VIPR1: variants seen among roughly 807,000 people sequenced by gnomAD.
VIPR1 encodes vasoactive intestinal polypeptide receptor 1.
In VIPR1, 59 loss-of-function variants were observed where a neutral mutation model predicts 58.8. The ratio of observed to expected loss-of-function variants is 1.00; its 90% CI spans 0.81 to 1.25. VIPR1 has a LOEUF of 1.25. Among genes scored for constraint, VIPR1 ranks in the 50% most tolerant of loss-of-function variants. The probability of loss-of-function intolerance (pLI) is 0.00; values close to 1 mark genes in which losing one functional copy is unlikely to be tolerated. For missense variants in VIPR1, 626 were observed against 602.7 expected, an observed-to-expected ratio of 1.04 and a Z score of -0.40; for synonymous variants, 251 against 242.1, an observed-to-expected ratio of 1.04 and a Z score of -0.34.
In VIPR1 at chr3:42,519,240, G is replaced by A; in HGVS notation, c.202G>A (p.Asp68Asn). 1.2e-6 allele frequency: 2 copies of A among 1,609,968 alleles called. No homozygotes were observed. Among genetic ancestry groups the A allele is most frequent in the South Asian group, 2.2e-5 (2 of 90,040 alleles). The change falls in exon 3 of 13, where the codon GAC (aspartate) becomes AAC (asparagine). Residue 68 changes from aspartate (D) to asparagine (N), a missense_variant. Physicochemically the swap from Asp to Asn is conservative, Grantham distance 23 (BLOSUM62 1). Coordinates refer to ENST00000325123, the MANE Select transcript of VIPR1 (RefSeq NM_004624.4). ...NETIGCSKMW[D>N]NLTCWPATPR... is the part of the protein sequence containing the mutation. Reference sequence around the variant, plus strand: ...CCCCATAGGCTGCAGCAAGATGTGGGACAACCTCACCTGCTGGCCAGCCAC... The same window carrying A: ...CCCCATAGGCTGCAGCAAGATGTGGAACAACCTCACCTGCTGGCCAGCCAC...
intron 1 of VIPR1, among the ~76,000 whole-genome samples, chr3:42,503,151 C>T (rs1699947967): frequency 6.6e-6 from 1 of 152,076 alleles, no homozygotes; most frequent in Non-Finnish European, 1.5e-5. Flanking sequence ...GAGTCAGGTA[C>T]TGCGGCCGAT....
chr3:42,525,959 G>A lies in VIPR1; in HGVS notation c.365G>A (p.Cys122Tyr), dbSNP rs1349758533. The A allele has an allele frequency of 1.2e-6, 2 of 1,613,526 alleles. No individual in the cohort carries two copies. The highest frequency in any genetic ancestry group is 1.1e-5 in the South Asian group (1 of 90,886). The change falls in exon 4 of 13, where the codon TGT (cysteine) becomes TAT (tyrosine). Residue 122 changes from cysteine to tyrosine, a missense_variant. Transcript: ENST00000325123. ...HLEPGPYPIA[C>Y]GLDDKAASLD... is the part of the protein sequence containing the mutation. ...GAGCCTGGCCCGTACCCCATTGCCTGTGGTTTGGATGACAAGGCAGCGAGT... is the reference window on the plus strand; with the variant it reads ...GAGCCTGGCCCGTACCCCATTGCCTATGGTTTGGATGACAAGGCAGCGAGT...
At chr3:42,502,899 G>C (rs1281708026) in intron 1 of VIPR1, 86 bp downstream of exon 1, 3 of 1,031,782 alleles carry the variant, frequency 2.9e-6, no homozygotes, top group African/African-American at 1.7e-5. Context: ...GAGCCGGGCC[G>C]TCTGTGCGCG....
At chr3:42,526,147 G>T (rs994554574) in intron 4 of VIPR1, among the ~76,000 whole-genome samples, 154 bp downstream of exon 4, 1 of 152,188 alleles carries the variant, frequency 6.6e-6, no homozygotes, top group African/African-American at 2.4e-5. Context: ...CTGCCTTTCT[G>T]GGGTCCCAAC....
chr3:42,528,324 T>G, intron 6 of VIPR1: 1 of 714,346 alleles, frequency 1.4e-6, no homozygotes, highest in Non-Finnish European at 2.2e-6. Flanking sequence ...ACAGGAGATG[T>G]TGCTCACCCA....
chr3:42,499,229 C>G (rs1302587871), upstream of VIPR1, among the ~76,000 whole-genome samples: 2 of 34,594 alleles, frequency 5.8e-5, no homozygotes, highest in Non-Finnish European at 1.9e-4. Context: ...CACTCTGTGG[C>G]CCCCCCAGCC....
intron 1 of VIPR1, among the ~76,000 whole-genome samples, chr3:42,506,244 C>T (rs1700116902): frequency 6.6e-6 from 1 of 152,188 alleles, no homozygotes; most frequent in Admixed American, 6.5e-5. Flanking sequence ...CGTGGGCAGC[C>T]TCAGTGGAAA....
intron 1 of VIPR1, 90 bp downstream of exon 1, chr3:42,502,903 G>A: frequency 9.7e-7 from 1 of 1,027,700 alleles, no homozygotes; most frequent in Non-Finnish European, 1.2e-6. Context: ...CGGGCCGTCT[G>A]TGCGCGTGTC....
chr3:42,497,400 G>A (rs1699783897), intron 1 of VIPR1, among the ~76,000 whole-genome samples: 1 of 152,118 alleles, frequency 6.6e-6, no homozygotes, highest in Admixed American at 6.5e-5. Flanking sequence ...ATGAACTCAT[G>A]CCCACACACA....
chr3:42,531,358 A>T, intron 7 of VIPR1, 113 bp from the exon 8 acceptor site: 1 of 1,124,970 alleles, frequency 8.9e-7, no homozygotes, highest in Non-Finnish European at 1.3e-6. Flanking sequence ...CTGACAACCC[A>T]CCCTTTTCTC....
At chr3:42,527,957 C>T in intron 5 of VIPR1, 34 bp from the exon 6 acceptor site, 1 of 1,607,926 alleles carries the variant, frequency 6.2e-7, no homozygotes, top group East Asian at 2.2e-5. Flanking sequence ...ATCCAAGGCC[C>T]CTTTGGCCTC....
chr3:42,493,527 G>A (rs1230927912), intron 1 of VIPR1, among the ~76,000 whole-genome samples: 4 of 152,186 alleles, frequency 2.6e-5, no homozygotes, highest in Admixed American at 2.0e-4. Flanking sequence ...GGCTGCAGTG[G>A]GGGACAGAGG....
chr3:42,507,851 T>C (rs399582), intron 1 of VIPR1: 122,568 of 151,584 alleles, frequency 0.81, 49,611 homozygotes, highest in East Asian at 0.99. Flanking sequence ...TCCTGTATCC[T>C]TATGTCTCCC....
intron 6 of VIPR1, 36 bp downstream of exon 6, chr3:42,528,159 T>A (rs1701339596): frequency 6.2e-7 from 1 of 1,605,778 alleles, no homozygotes; most frequent in South Asian, 1.1e-5. Flanking sequence ...TCCCTCAGTC[T>A]CGCCGTTATC....
At chr3:42,507,779 A>G (rs1700181484) in intron 1 of VIPR1, 1 of 152,056 alleles carries the variant, frequency 6.6e-6, no homozygotes, top group South Asian at 2.1e-4. Context: ...TCTGCTAATT[A>G]TGAGAGCCCT....
At chr3:42,524,507 T>C (rs1482363268) in intron 3 of VIPR1, among the ~76,000 whole-genome samples, 1 of 152,194 alleles carries the variant, frequency 6.6e-6, no homozygotes, top group African/African-American at 2.4e-5. Flanking sequence ...ACGGCTGCTC[T>C]TTCCTGGCTG....
Position 42,528,715 on chromosome 3 carries a change from G to T in VIPR1, c.636+592G>T, listed in dbSNP as rs141748229. On this transcript the variant is annotated intron_variant, in intron 6 of 12. Coordinates refer to ENST00000325123, the MANE Select transcript of VIPR1 (RefSeq NM_004624.4). ...GAATTCATTGCCAGTCACTAAGGGG[G>T]CCATCTCCAAGGGATTCTTAGGGAC... 9 of 152,736 alleles carry T rather than the reference G, an allele frequency of 5.9e-5. No homozygotes were observed. The East Asian group carries it at 1.7e-3, about 29-fold the overall frequency. 9.5% of individuals were successfully genotyped at this position (152,736 alleles called of 1,614,324 possible).
intron 3 of VIPR1, among the ~76,000 whole-genome samples, chr3:42,519,955 A>T (rs1482879599): frequency 2.0e-5 from 3 of 152,220 alleles, no homozygotes; most frequent in Non-Finnish European, 2.9e-5. Flanking sequence ...TTCTCATTGG[A>T]GAGACATTTA....
Position 42,525,755 on chromosome 3 carries a change from G to A in VIPR1, c.293-132G>A, listed in dbSNP as rs964421489. On this transcript the variant is annotated intron_variant, in intron 3 of 12. Coordinates refer to ENST00000325123, the MANE Select transcript of VIPR1 (RefSeq NM_004624.4). ...CACGGTGCCCTGGGTAACTGGGTCA[G>A]GGCAGCTGGAACCTGACAGCACCAG... 6 of 949,078 alleles carry A rather than the reference G, an allele frequency of 6.3e-6. No homozygotes were observed. The African/African-American group carries it at 9.9e-5, about 16-fold the overall frequency. The allele number at this position is 949,078 out of a possible 1,614,324, so 58.8% of individuals were successfully genotyped here. A position where few individuals can be genotyped will look rare whatever the true frequency, so the allele number is the denominator to read the frequency against.
Sources: gnomAD v4.1 joint callset for allele counts (sites outside exome capture counted in the v4.1 genomes callset) on GRCh38, gnomAD v4.1.1 for gene constraint, MANE v1.5 for transcripts, NCBI Gene and HGNC (gene_info 2026-07-23, HGNC 2026-07-21) for gene names.